PCDHA11: variants seen among roughly 807,000 people sequenced by gnomAD.
PCDHA11 encodes protocadherin alpha 11.
PCDHA11 carries 61 observed loss-of-function variants against 70.3 expected under a neutral mutation model. That is an observed-to-expected ratio of 0.87 (90% confidence interval 0.71 to 1.07). The LOEUF (loss-of-function observed/expected upper bound fraction) is 1.07. PCDHA11 is among the 50% of genes least tolerant of loss of function. The pLI, the probability that PCDHA11 is intolerant of heterozygous loss-of-function variation, is 0.00. For synonymous variants in PCDHA11, 633 were observed against 555.1 expected (o/e 1.14, Z -1.97); for missense variants, 1,324 against 1,237.5 (o/e 1.07, Z -1.05).
At chr5:140,964,629 T>C (rs1315614801) in intron 1 of PCDHA11, among the ~76,000 whole-genome samples, 1 of 152,028 alleles carries the variant, frequency 6.6e-6, no homozygotes, top group Non-Finnish European at 1.5e-5. Context: ...TTATAAGCCA[T>C]TTATTTTCAG....
At chr5:140,978,914 C>T (rs2096828574) in intron 1 of PCDHA11, 35 bp from the exon 2 acceptor site, 5 of 1,613,852 alleles carry the variant, frequency 3.1e-6, no homozygotes, top group Non-Finnish European at 3.4e-6. Flanking sequence ...ATTGTCTTGT[C>T]ATTTTAACAG....
At chr5:140,914,930 T>C (rs1474677743) in intron 1 of PCDHA11, among the ~76,000 whole-genome samples, 1 of 150,038 alleles carries the variant, frequency 6.7e-6, no homozygotes, top group Non-Finnish European at 1.5e-5. Flanking sequence ...TTGTACTATG[T>C]TGTGAAAAGT....
intron 1 of PCDHA11, among the ~76,000 whole-genome samples, chr5:140,898,600 G>A (rs2066865388): frequency 6.6e-6 from 1 of 152,184 alleles, no homozygotes; most frequent in Non-Finnish European, 1.5e-5. Context: ...TAGCCTTGTA[G>A]TATAGTTTGA....
chr5:140,937,219 T>C lies in PCDHA11; in HGVS notation c.2392-41730T>C, dbSNP rs555881657. Among the ~76,000 whole-genome samples the C allele has an allele frequency of 5.4e-3, 826 of 151,832 alleles. 4 individuals are homozygous for C. Among genetic ancestry groups the C allele is most frequent in the African/African-American group, 0.019 (796 of 41,458 alleles). ...TGCCCGGCTAATTTTTTGTATTTTT[T>C]GTAGAGACGGGGTTTCACCGTGTTA... On this transcript the variant is annotated intron_variant, in intron 1 of 3. Coordinates refer to ENST00000398640, the MANE Select transcript of PCDHA11 (RefSeq NM_018902.5).
intron 1 of PCDHA11, among the ~76,000 whole-genome samples, chr5:140,974,549 T>C (rs373257165): frequency 6.6e-6 from 1 of 152,216 alleles, no homozygotes; most frequent in African/African-American, 2.4e-5. Context: ...TTTGCTCTTG[T>C]TGCCCAGGCT....
chr5:140,869,429 T>C lies in PCDHA11; in HGVS notation c.326T>C (p.Ile109Thr), dbSNP rs1006497068. ...SAECSIHLEV[I>T]VDRPLQVFHV... ...GAGTGCAGCATCCACCTGGAGGTGA[T>C]CGTGGACAGGCCGCTGCAGGTTTTC... is the stretch of plus-strand genomic sequence containing the variant. Residue 109 changes from isoleucine to threonine, a missense_variant, in exon 1 of 4, where the codon ATC becomes ACC. Physicochemically the swap from Ile to Thr is moderately conservative, Grantham distance 89. Coordinates refer to ENST00000398640, the MANE Select transcript of PCDHA11 (RefSeq NM_018902.5). The C allele has an allele frequency of 2.2e-5, 35 of 1,614,074 alleles. No homozygotes were observed. The highest frequency in any genetic ancestry group is 3.0e-5 in the Non-Finnish European group (35 of 1,180,048).
chr5:140,890,822 A>T (rs1044008204), intron 1 of PCDHA11, among the ~76,000 whole-genome samples: 8 of 152,186 alleles, frequency 5.3e-5, no homozygotes, highest in Non-Finnish European at 1.0e-4. Flanking sequence ...TTTTAAATGT[A>T]CTTACATATT....
chr5:140,997,567 G>A (rs1163598467), intron 3 of PCDHA11, among the ~76,000 whole-genome samples: 1 of 152,130 alleles, frequency 6.6e-6, no homozygotes, highest in Non-Finnish European at 1.5e-5. Flanking sequence ...ACTGTCATAT[G>A]TGTGGTCCGT....
chr5:140,934,611 C>T (rs1346764744), intron 1 of PCDHA11, among the ~76,000 whole-genome samples: 2 of 151,950 alleles, frequency 1.3e-5, no homozygotes, highest in Non-Finnish European at 2.9e-5. Context: ...TTTGATTAGC[C>T]TGAGGTACAG....
At position 140,917,487 on chromosome 5, in the gene PCDHA11, A is replaced by T. The variant is rs1303002890; in HGVS notation, c.2391+45993A>T. Among the ~76,000 whole-genome samples, 3 of 152,232 alleles carry T rather than the reference A, an allele frequency of 2.0e-5. No individual in the cohort carries two copies. The East Asian group carries it at 5.8e-4, about 29-fold the overall frequency. The stretch of plus-strand genomic sequence containing the variant: ...TGTCATGAAATCTTTGCCAGGGCCT[A>T]TGCCCAGAATGATATTTTCTAGGTT... On this transcript the variant is annotated intron_variant, in intron 1 of 3. Coordinates refer to ENST00000398640, the MANE Select transcript of PCDHA11 (RefSeq NM_018902.5).
chr5:140,946,763 C>T (rs1453017337), intron 1 of PCDHA11, among the ~76,000 whole-genome samples: 1 of 151,160 alleles, frequency 6.6e-6, no homozygotes, highest in Non-Finnish European at 1.5e-5. Context: ...TGATCTCATT[C>T]ATGTGGAATG....
Position 141,009,711 on chromosome 5 carries a change from C to G in PCDHA11, c.2624C>G (p.Pro875Arg), listed in dbSNP as rs575518914. Reference sequence around the variant, plus strand: ...ACCTTTAAATACGGACCAGGCAACCCCAAACAATCCGGTCCCGGTGAGTTG... The same window carrying G: ...ACCTTTAAATACGGACCAGGCAACCGCAAACAATCCGGTCCCGGTGAGTTG... The part of the protein sequence containing the change: ...SWTFKYGPGN[P>R]KQSGPGELPD... Residue 875 changes from proline to arginine, a missense_variant, in exon 4 of 4, where the codon CCC (proline) becomes CGC (arginine). Transcript: ENST00000398640. The G allele has an allele frequency of 6.2e-6, 10 of 1,613,982 alleles. No homozygotes were observed. Among genetic ancestry groups the G allele is most frequent in the Non-Finnish European group, 8.5e-6 (10 of 1,180,036 alleles).
At chr5:140,928,718 T>C in intron 1 of PCDHA11, 1 of 1,614,174 alleles carries the variant, frequency 6.2e-7, no homozygotes, top group East Asian at 2.2e-5. Context: ...TCTAGTCTCT[T>C]TAGAATTTCA....
chr5:140,892,555 T>C (rs1554185273), intron 1 of PCDHA11, among the ~76,000 whole-genome samples: 1 of 152,260 alleles, frequency 6.6e-6, no homozygotes, highest in African/African-American at 2.4e-5. Context: ...TCTCTAGTCC[T>C]TGGAGACTGT....
chr5:140,927,049 C>T (rs1554203972), intron 1 of PCDHA11: 5 of 1,611,932 alleles, frequency 3.1e-6, no homozygotes, highest in Non-Finnish European at 4.2e-6. Context: ...TATGTCCTCG[C>T]GGAACTTTCG....
At chr5:140,875,997 T>A (rs1441666431) in intron 1 of PCDHA11, 1 of 1,613,924 alleles carries the variant, frequency 6.2e-7, no homozygotes, top group East Asian at 2.2e-5. Flanking sequence ...TAAGTCTAAA[T>A]GAGAATTTTG....
chr5:140,966,188 T>G (rs1454663585), intron 1 of PCDHA11: 7 of 200,348 alleles, frequency 3.5e-5, no homozygotes, highest in Non-Finnish European at 6.9e-5. Context: ...ATAGCCAGAC[T>G]TCTAGGGGCT....
At chr5:140,923,753 T>C (rs1554201575) in intron 1 of PCDHA11, among the ~76,000 whole-genome samples, 1 of 152,174 alleles carries the variant, frequency 6.6e-6, no homozygotes. Flanking sequence ...AGGCATATGG[T>C]GGGACAAATC....
At chr5:140,920,794 A>G (rs1433275588) in intron 1 of PCDHA11, among the ~76,000 whole-genome samples, 2 of 151,776 alleles carry the variant, frequency 1.3e-5, no homozygotes, top group Admixed American at 6.6e-5. Flanking sequence ...CAGGGAACCA[A>G]GATCACGCCA....
Sources: allele counts gnomAD v4.1 joint callset (sites outside exome capture counted in the v4.1 genomes callset), GRCh38; gene constraint gnomAD v4.1.1; transcripts MANE v1.5; gene names NCBI Gene and HGNC (gene_info 2026-07-23, HGNC 2026-07-21).